Variants in PLEKHA7 observed in about 807,000 individuals in gnomAD.
PLEKHA7 encodes pleckstrin homology domain-containing family A member 7.
A neutral mutation model predicts 170.0 loss-of-function variants in PLEKHA7; 104 were observed. The observed-to-expected ratio is 0.61, with a 90% CI of 0.52 to 0.72. The LOEUF is 0.72. Ranked by LOEUF, PLEKHA7 falls within the 30% of genes least tolerant of loss-of-function variation. The pLI is 0.00. For missense variants in PLEKHA7, 1,615 were observed against 1,671.7 expected (o/e 0.97, Z 0.59); for synonymous variants, 648 against 660.8 (o/e 0.98, Z 0.30).
At chr11:16,894,182 C>T (rs966930437) in intron 3 of PLEKHA7, among the ~76,000 whole-genome samples, 1 of 152,204 alleles carries the variant, frequency 6.6e-6, no homozygotes, top group East Asian at 1.9e-4. Flanking sequence ...AGAAGGGGGA[C>T]CATCCCAGCA....
Position 16,813,171 on chromosome 11 carries a change from A to G in PLEKHA7, c.1954-5T>C. On this transcript the variant is annotated splice_region_variant and splice_polypyrimidine_tract_variant and intron_variant, in intron 12 of 26. Transcript: ENST00000531066. The stretch of plus-strand genomic sequence containing the variant: ...CTGGAGGTAGGTATCATCAGCCTTC[A>G]AATGAAGCAGAGAGGAAAAAACACA... 1 of 1,612,916 alleles carries G rather than the reference A, an allele frequency of 6.2e-7. No individual in the cohort carries two copies. Among genetic ancestry groups the G allele is most frequent in the Non-Finnish European group, 8.5e-7 (1 of 1,178,930 alleles).
At chr11:16,975,700 A>G (rs1392264488) in intron 3 of PLEKHA7, among the ~76,000 whole-genome samples, 1 of 152,214 alleles carries the variant, frequency 6.6e-6, no homozygotes, top group Non-Finnish European at 1.5e-5. Context: ...ACATAGATAC[A>G]CAGAGATAGA....
At chr11:16,922,854 T>C (rs1303398737) in intron 3 of PLEKHA7, among the ~76,000 whole-genome samples, 1 of 151,996 alleles carries the variant, frequency 6.6e-6, no homozygotes, top group Non-Finnish European at 1.5e-5. Flanking sequence ...GCTGCCCCTT[T>C]CCCCTGAGAG....
chr11:16,825,697 A>T (rs1483029428), intron 10 of PLEKHA7, among the ~76,000 whole-genome samples: 1 of 151,936 alleles, frequency 6.6e-6, no homozygotes, highest in Non-Finnish European at 1.5e-5. Context: ...GCCTGGAATT[A>T]AAAATGAATC....
chr11:16,884,401 G>A (rs540418670), intron 3 of PLEKHA7, among the ~76,000 whole-genome samples: 1 of 152,264 alleles, frequency 6.6e-6, no homozygotes, highest in Non-Finnish European at 1.5e-5. Flanking sequence ...GGGAGGCCAA[G>A]GCAGGCAGAT....
chr11:16,882,536 C>G (rs1268366477), intron 3 of PLEKHA7, among the ~76,000 whole-genome samples: 1 of 152,234 alleles, frequency 6.6e-6, no homozygotes, highest in African/African-American at 2.4e-5. Flanking sequence ...GACTCACAAG[C>G]CATGCTGGCA....
At chr11:16,892,440 T>TGTGTGTGTG (rs749414406) in intron 3 of PLEKHA7, among the ~76,000 whole-genome samples, 6 of 102,540 alleles carry the variant, frequency 5.9e-5, no homozygotes, top group African/African-American at 1.6e-4. Flanking sequence ...GTGTGTTTTG[T>TGTGTGTGTG]TTTGTTTTGT....
At chr11:16,809,761 T>C (rs1849233813) in intron 13 of PLEKHA7, among the ~76,000 whole-genome samples, 1 of 152,232 alleles carries the variant, frequency 6.6e-6, no homozygotes, top group African/African-American at 2.4e-5. Context: ...TTTCTTCTAC[T>C]AAGCTGCAAC....
At chr11:16,917,550 C>T (rs1465405459) in intron 3 of PLEKHA7, among the ~76,000 whole-genome samples, 1 of 152,202 alleles carries the variant, frequency 6.6e-6, no homozygotes, top group Non-Finnish European at 1.5e-5. Flanking sequence ...CATTCCTTGG[C>T]TCAAGGGCAC....
intron 3 of PLEKHA7, among the ~76,000 whole-genome samples, chr11:16,922,770 C>A (rs1859192893): frequency 6.6e-6 from 1 of 152,132 alleles, no homozygotes; most frequent in Admixed American, 6.5e-5. Flanking sequence ...ACTCAGTAAC[C>A]ACCATCAACC....
intron 3 of PLEKHA7, among the ~76,000 whole-genome samples, chr11:17,008,355 G>A (rs1393905520): frequency 6.6e-6 from 1 of 152,212 alleles, no homozygotes; most frequent in East Asian, 1.9e-4. Flanking sequence ...CCCAGATGCA[G>A]AGCAATAAGG....
At chr11:16,861,397 C>T (rs954422499) in intron 4 of PLEKHA7, among the ~76,000 whole-genome samples, 1 of 151,366 alleles carries the variant, frequency 6.6e-6, no homozygotes, top group Non-Finnish European at 1.5e-5. Context: ...GGCGCAGTGG[C>T]TTACACCAGT....
chr11:16,924,996 A>AG (rs1859401530), intron 3 of PLEKHA7, among the ~76,000 whole-genome samples: 2 of 152,216 alleles, frequency 1.3e-5, no homozygotes, highest in African/African-American at 2.4e-5. Flanking sequence ...ACAGGCGAGA[A>AG]GCTGACCCCT....
chr11:16,822,502 G>GAAAAAAAA (rs775136335), intron 10 of PLEKHA7, among the ~76,000 whole-genome samples: 1 of 78,956 alleles, frequency 1.3e-5, no homozygotes, highest in Admixed American at 1.5e-4. Flanking sequence ...TTTGGTAGGG[G>GAAAAAAAA]AAAAAAAAAA....
intron 3 of PLEKHA7, among the ~76,000 whole-genome samples, chr11:16,938,617 T>C (rs766793012): frequency 2.0e-5 from 3 of 152,172 alleles, no homozygotes; most frequent in Non-Finnish European, 4.4e-5. Context: ...AGACCATACA[T>C]CATGATTTTT....
chr11:16,821,226 G>A (rs1850192130), intron 10 of PLEKHA7, among the ~76,000 whole-genome samples: 1 of 152,148 alleles, frequency 6.6e-6, no homozygotes, highest in South Asian at 2.1e-4. Flanking sequence ...CTAACTTCCA[G>A]ATCAATCACA....
chr11:16,835,134 G>A (rs1216016472), intron 9 of PLEKHA7, among the ~76,000 whole-genome samples: 7 of 152,254 alleles, frequency 4.6e-5, no homozygotes, highest in East Asian at 1.9e-4. Flanking sequence ...AGCCAGGCAC[G>A]GTGGCACATG....
At chr11:16,839,445 A>T (rs451231) in intron 9 of PLEKHA7, among the ~76,000 whole-genome samples, 1 of 149,348 alleles carries the variant, frequency 6.7e-6, no homozygotes, top group Non-Finnish European at 1.5e-5. Flanking sequence ...ATATTTAATA[A>T]TTTGTATATA....
chr11:16,842,585 G>C (rs1406923672), intron 8 of PLEKHA7: 1 of 108,040 alleles, frequency 9.3e-6, no homozygotes, highest in Admixed American at 1.4e-4. Flanking sequence ...GCTTTCACAT[G>C]TATCCTTGCA....
Sources: gnomAD v4.1 joint callset for allele counts (sites outside exome capture counted in the v4.1 genomes callset) on GRCh38, gnomAD v4.1.1 for gene constraint, MANE v1.5 for transcripts, NCBI Gene and HGNC (gene_info 2026-07-23, HGNC 2026-07-21) for gene names.